The following MAP7 variants were observed in gnomAD, a reference collection of about 807,000 sequenced individuals.
MAP7 encodes the protein ensconsin.
In MAP7, 52 loss-of-function variants were observed where a neutral mutation model predicts 94.8. The ratio of observed to expected loss-of-function variants is 0.55; its 90% confidence interval spans 0.44 to 0.69. MAP7 has a LOEUF of 0.69. Among genes scored for constraint, MAP7 ranks in the 30% least tolerant of loss-of-function variants. MAP7 has a pLI of 0.00. For missense variants in MAP7, 940 were observed against 964.6 expected, an observed-to-expected ratio of 0.97 and a Z score of 0.34; for synonymous variants, 350 against 357.0, an observed-to-expected ratio of 0.98 and a Z score of 0.22.
rs1299641512 is a variant in MAP7 at position 136,469,148 on chromosome 6, T to C, written c.68-47349A>G. On this transcript the variant is annotated intron_variant, in intron 1 of 17. Transcript: ENST00000354570. ...AGCAGTGGGTACTATCAATTATGTA[T>C]CATCTTAAACTGTACACTGCACAGC... 3.3e-5 allele frequency among the ~76,000 whole-genome samples: 5 copies of C among 152,156 alleles called. No homozygotes were observed. The East Asian group carries it at 9.6e-4, about 29-fold the overall frequency.
chr6:136,394,558 A>G (rs552258139), intron 3 of MAP7, among the ~76,000 whole-genome samples: 46 of 152,052 alleles, frequency 3.0e-4, no homozygotes, highest in African/African-American at 1.1e-3. Flanking sequence ...TCAGACATTT[A>G]TTACTTCTTT....
intron 1 of MAP7, chr6:136,525,829 T>C (rs1827665274): frequency 6.5e-6 from 10 of 1,534,276 alleles, no homozygotes; most frequent in Non-Finnish European, 8.7e-6. Context: ...AGCTAATGCA[T>C]ACCTTTTGGT....
At chr6:136,417,768 C>A (rs1789977083) in intron 2 of MAP7, among the ~76,000 whole-genome samples, 1 of 152,156 alleles carries the variant, frequency 6.6e-6, no homozygotes, top group South Asian at 2.1e-4. Flanking sequence ...ACAGTCATTA[C>A]AATTGCACCG....
intron 1 of MAP7, among the ~76,000 whole-genome samples, chr6:136,439,083 A>G (rs1395035527): frequency 1.3e-5 from 2 of 152,192 alleles, no homozygotes; most frequent in Non-Finnish European, 2.9e-5. Flanking sequence ...AATACCTGCT[A>G]TGGTTTGAAT....
chr6:136,356,799 G>A lies in MAP7; in HGVS notation c.1913-5C>T. The A allele has an allele frequency of 1.9e-6, 3 of 1,610,430 alleles. No homozygotes were observed. The highest frequency in any genetic ancestry group is 1.7e-5 in the Admixed American group (1 of 59,976). ...TACATGGAAGTGCAGACACCTCTGG[G>A]CATAGTAAAGGAGACAGAACACAGG... On this transcript the variant is annotated splice_region_variant and splice_polypyrimidine_tract_variant and intron_variant, in intron 15 of 17. Coordinates refer to ENST00000354570, the MANE Select transcript of MAP7 (RefSeq NM_003980.6).
At chr6:136,519,044 C>T (rs139818619) in intron 1 of MAP7, among the ~76,000 whole-genome samples, 6 of 152,314 alleles carry the variant, frequency 3.9e-5, no homozygotes, top group African/African-American at 7.2e-5. Flanking sequence ...TACACAGTAA[C>T]GCATGTGGTA....
At chr6:136,392,763 C>T (rs544515480) in intron 3 of MAP7, among the ~76,000 whole-genome samples, 13 of 152,228 alleles carry the variant, frequency 8.5e-5, no homozygotes, top group African/African-American at 3.1e-4. Context: ...TGGTCATAGG[C>T]AGAAGAATCA....
At position 136,391,449 on chromosome 6, in the gene MAP7, C is replaced by T. The variant is rs112865417; in HGVS notation, c.245-1932G>A. 9.8e-3 allele frequency among the ~76,000 whole-genome samples: 1,445 copies of T among 147,596 alleles called. 20 individuals are homozygous for T. The highest frequency in any genetic ancestry group is 0.037 in the East Asian group (183 of 5,002). ...ATAGCATTGGGAGATATACCTAATGCTAGATGACACATTAGTGGGTGCAGC... is the reference window on the plus strand; with the variant it reads ...ATAGCATTGGGAGATATACCTAATGTTAGATGACACATTAGTGGGTGCAGC... On this transcript the variant is annotated intron_variant, in intron 3 of 17. Transcript: ENST00000354570.
chr6:136,432,548 G>T (rs775161235), intron 1 of MAP7, among the ~76,000 whole-genome samples: 3 of 152,038 alleles, frequency 2.0e-5, no homozygotes, highest in African/African-American at 7.2e-5. Context: ...AATGTGAAAG[G>T]TTCCCCGATC....
intron 12 of MAP7, 26 bp downstream of exon 12, chr6:136,360,979 G>A (rs1268730074): frequency 3.9e-6 from 6 of 1,554,014 alleles, no homozygotes; most frequent in Admixed American, 2.0e-5. Context: ...GACTGGGGCC[G>A]GGGCCAGGGT....
intron 1 of MAP7, among the ~76,000 whole-genome samples, chr6:136,513,564 T>A (rs2129035103): frequency 6.6e-6 from 1 of 152,302 alleles, no homozygotes. Flanking sequence ...CCCCTCAAAG[T>A]CATTCATGAA....
intron 3 of MAP7, among the ~76,000 whole-genome samples, chr6:136,399,335 T>C (rs1197380602): frequency 6.6e-6 from 1 of 152,120 alleles, no homozygotes; most frequent in Non-Finnish European, 1.5e-5. Flanking sequence ...GGATTACAAT[T>C]AGATTCCTTT....
chr6:136,391,146 G>A (rs555757586), intron 3 of MAP7, among the ~76,000 whole-genome samples: 2 of 152,210 alleles, frequency 1.3e-5, no homozygotes, highest in African/African-American at 2.4e-5. Flanking sequence ...ATTGTGAATA[G>A]TGCCGCAATA....
At position 136,372,549 on chromosome 6, in the gene MAP7, T is replaced by A; in HGVS notation, c.828A>T (p.Val276=). The A allele has an allele frequency of 6.2e-7, 1 of 1,614,158 alleles. No homozygotes were observed. Among genetic ancestry groups the A allele is most frequent in the South Asian group, 1.1e-5 (1 of 91,078 alleles). Residue 276 remains valine (V), a synonymous_variant, in exon 8 of 18, where the codon GTA becomes GTT. Transcript: ENST00000354570. The part of the protein sequence containing the change: ...RNSMDRPKLF[V]TPPEGSSRRR... ...TGCGAGAAGAGCCCTCAGGTGGTGTTACAAAGAGTTTTGGTCGATCCATCG... is the reference window on the plus strand; with the variant it reads ...TGCGAGAAGAGCCCTCAGGTGGTGTAACAAAGAGTTTTGGTCGATCCATCG...
At chr6:136,394,009 A>T (rs1781577874) in intron 3 of MAP7, among the ~76,000 whole-genome samples, 1 of 130,856 alleles carries the variant, frequency 7.6e-6, no homozygotes. Context: ...TTTGAGACAG[A>T]GTCTCACTCT....
intron 8 of MAP7, among the ~76,000 whole-genome samples, chr6:136,369,493 A>G (rs1795076746): frequency 6.6e-6 from 1 of 151,982 alleles, no homozygotes; most frequent in Non-Finnish European, 1.5e-5. Context: ...GAATTGCTTG[A>G]GCCTGGGAGG....
intron 1 of MAP7, among the ~76,000 whole-genome samples, chr6:136,446,215 G>A (rs559564237): frequency 6.6e-6 from 1 of 151,808 alleles, no homozygotes; most frequent in South Asian, 2.1e-4. Flanking sequence ...GGCACAGCAT[G>A]GGAGAAGATT....
intron 1 of MAP7, among the ~76,000 whole-genome samples, chr6:136,485,626 G>A (rs1488929748): frequency 1.4e-5 from 2 of 145,970 alleles, no homozygotes; most frequent in African/African-American, 2.6e-5. Flanking sequence ...GCAGTGGCGG[G>A]ATCTCGGCTC....
At chr6:136,344,668 A>G (rs1171703070) in intron 17 of MAP7, among the ~76,000 whole-genome samples, 1 of 152,238 alleles carries the variant, frequency 6.6e-6, no homozygotes, top group East Asian at 1.9e-4. Context: ...GCATGTTTCC[A>G]TCAACATACC....
Sources: allele counts gnomAD v4.1 joint callset (sites outside exome capture counted in the v4.1 genomes callset), GRCh38; gene constraint gnomAD v4.1.1; transcripts MANE v1.5; gene names NCBI Gene and HGNC (gene_info 2026-07-23, HGNC 2026-07-21).